EPHA7: variants seen among roughly 807,000 people sequenced by gnomAD.
The protein encoded by EPHA7 is ephrin type-A receptor 7.
Under a neutral mutation model 112.6 loss-of-function variants are expected in EPHA7, and 25 were observed. That is an observed-to-expected ratio of 0.22 (90% CI 0.16 to 0.31). EPHA7 has a LOEUF of 0.31. Among genes scored for constraint, EPHA7 ranks in the 10% least tolerant of loss-of-function variants. The pLI, the probability that EPHA7 is intolerant of heterozygous loss-of-function variation, is 1.00. For missense variants in EPHA7, 962 were observed against 1,212.6 expected (o/e 0.79, Z 3.07); for synonymous variants, 437 against 406.5 (o/e 1.07, Z -0.90).
At chr6:93,315,078 G>T (rs1309838434) in intron 5 of EPHA7, among the ~76,000 whole-genome samples, 1 of 149,616 alleles carries the variant, frequency 6.7e-6, no homozygotes, top group Non-Finnish European at 1.5e-5. Flanking sequence ...TAGCCAGGAT[G>T]GTCTCGATCT....
At chr6:93,267,874 G>A (rs1351453347) in intron 7 of EPHA7, among the ~76,000 whole-genome samples, 1 of 151,570 alleles carries the variant, frequency 6.6e-6, no homozygotes, top group African/African-American at 2.4e-5. Flanking sequence ...AAATAATAAG[G>A]AATGGTTGGG....
chr6:93,312,406 C>T (rs201539696), intron 5 of EPHA7, among the ~76,000 whole-genome samples: 1 of 150,734 alleles, frequency 6.6e-6, no homozygotes, highest in African/African-American at 2.4e-5. Flanking sequence ...GAGATGGCTC[C>T]TTTTTTTTTA....
At chr6:93,368,803 C>T (rs991014526) in intron 3 of EPHA7, among the ~76,000 whole-genome samples, 1 of 152,054 alleles carries the variant, frequency 6.6e-6, no homozygotes, top group Non-Finnish European at 1.5e-5. Context: ...TTAAAGCAAT[C>T]GTTCTAGCTG....
chr6:93,248,906 T>C (rs916971204), intron 14 of EPHA7, among the ~76,000 whole-genome samples: 1 of 152,218 alleles, frequency 6.6e-6, no homozygotes, highest in Admixed American at 6.5e-5. Flanking sequence ...CTAGAAAAAG[T>C]ATTTTTCCAT....
chr6:93,414,279 G>T (rs1425809856), intron 2 of EPHA7, among the ~76,000 whole-genome samples: 1 of 151,846 alleles, frequency 6.6e-6, no homozygotes, highest in East Asian at 1.9e-4. Context: ...CATTTTGAAT[G>T]ATGCTGAAAC....
chr6:93,350,833 GTTACTT>G (rs1775655627), intron 5 of EPHA7, among the ~76,000 whole-genome samples: 1 of 151,826 alleles, frequency 6.6e-6, no homozygotes, highest in Non-Finnish European at 1.5e-5. Flanking sequence ...GGGTCAATCT[GTTACTT>G]TCCTGTTCAA....
intron 14 of EPHA7, among the ~76,000 whole-genome samples, chr6:93,254,232 G>T (rs939123568): frequency 2.0e-5 from 3 of 151,894 alleles, no homozygotes; most frequent in African/African-American, 4.8e-5. Context: ...ATAATTTAAA[G>T]AATTTTCTTA....
intron 5 of EPHA7, among the ~76,000 whole-genome samples, chr6:93,336,865 T>C (rs12530155): frequency 0.049 from 7,366 of 150,578 alleles, 239 homozygotes; most frequent in African/African-American, 0.077. Flanking sequence ...GTAATATAAA[T>C]TGGATAGTTT....
At chr6:93,388,291 G>A (rs1777729993) in intron 3 of EPHA7, among the ~76,000 whole-genome samples, 1 of 151,932 alleles carries the variant, frequency 6.6e-6, no homozygotes. Flanking sequence ...CCTATTCTTG[G>A]ACATTTAAGT....
chr6:93,283,041 G>A (rs1771847130), intron 5 of EPHA7, among the ~76,000 whole-genome samples: 1 of 152,230 alleles, frequency 6.6e-6, no homozygotes, highest in South Asian at 2.1e-4. Context: ...CCCGGTGCGG[G>A]ATCCATTGGG....
At position 93,366,615 on chromosome 6, in the gene EPHA7, A is replaced by G. The variant is rs547702825; in HGVS notation, c.833-8204T>C. 5.3e-4 allele frequency among the ~76,000 whole-genome samples: 81 copies of G among 152,182 alleles called. 1 individual carries two copies. In the South Asian group the frequency reaches 0.015, roughly 28 times the overall value. ...CCTTAGCAAGCAACAGTGTTAAAAA[A>G]CAGGTTCTACAGGGGCTGTCCTGCA... On this transcript the variant is annotated intron_variant, in intron 3 of 16. Coordinates refer to ENST00000369303, the MANE Select transcript of EPHA7 (RefSeq NM_004440.4).
chr6:93,247,824 A>G (rs1260257928), intron 14 of EPHA7, among the ~76,000 whole-genome samples: 14 of 152,222 alleles, frequency 9.2e-5, no homozygotes. Flanking sequence ...AAAACTGTTT[A>G]TATGAAGCTT....
chr6:93,348,148 A>G (rs1002770162), intron 5 of EPHA7, among the ~76,000 whole-genome samples: 2 of 151,816 alleles, frequency 1.3e-5, no homozygotes, highest in African/African-American at 4.8e-5. Context: ...CAACTCAGAA[A>G]GATACTGGGA....
Position 93,242,404 on chromosome 6 carries a change from C to G in EPHA7, c.*1022G>C, listed in dbSNP as rs576862153. 1 of 194,602 alleles carries G rather than the reference C, an allele frequency of 5.1e-6. No individual in the cohort carries two copies. Among genetic ancestry groups the G allele is most frequent in the Admixed American group, 6.1e-5 (1 of 16,396 alleles). The allele number at this position is 194,602 out of a possible 1,614,324, so 12.1% of individuals were successfully genotyped here. On this transcript the variant is annotated 3_prime_UTR_variant, in exon 17 of 17. Transcript: ENST00000369303. The stretch of plus-strand genomic sequence containing the variant: ...CCTTTCATGTTTGGACTGCATTCAA[C>G]AGAAGAGGATATAAAATATATGTCA...
intron 5 of EPHA7, among the ~76,000 whole-genome samples, chr6:93,325,320 G>A (rs556982473): frequency 6.6e-6 from 1 of 151,202 alleles, no homozygotes; most frequent in African/African-American, 2.4e-5. Context: ...TTATTTAAGT[G>A]AGGAGTTCAT....
chr6:93,402,686 T>A (rs1440347371), intron 3 of EPHA7, among the ~76,000 whole-genome samples: 2 of 152,050 alleles, frequency 1.3e-5, no homozygotes, highest in Admixed American at 1.3e-4. Flanking sequence ...TAGGGTAATA[T>A]TAGCTTAGGG....
At chr6:93,246,183 C>T (rs1211102061) in intron 15 of EPHA7, among the ~76,000 whole-genome samples, 2 of 151,982 alleles carry the variant, frequency 1.3e-5, no homozygotes, top group African/African-American at 4.8e-5. Flanking sequence ...TCCCAAGTAG[C>T]TGAGATTACA....
chr6:93,383,476 T>C (rs530743181), intron 3 of EPHA7, among the ~76,000 whole-genome samples: 15 of 152,186 alleles, frequency 9.9e-5, no homozygotes, highest in Admixed American at 9.2e-4. Flanking sequence ...TGGTAAGTGG[T>C]AGAGTAAACG....
At chr6:93,379,693 T>C (rs893853972) in intron 3 of EPHA7, among the ~76,000 whole-genome samples, 2 of 151,966 alleles carry the variant, frequency 1.3e-5, no homozygotes, top group Admixed American at 6.6e-5. Flanking sequence ...GCAGAATGAA[T>C]GTCACCATAA....
Sources: gnomAD v4.1 joint callset for allele counts (sites outside exome capture counted in the v4.1 genomes callset) on GRCh38, gnomAD v4.1.1 for gene constraint, MANE v1.5 for transcripts, NCBI Gene and HGNC (gene_info 2026-07-23, HGNC 2026-07-21) for gene names.